C12orf42: variants seen among roughly 807,000 people sequenced by gnomAD.
The protein encoded by C12orf42 is chromosome 12 open reading frame 42.
In C12orf42, 25 loss-of-function variants were observed where a neutral mutation model predicts 21.6. The ratio of observed to expected loss-of-function variants is 1.16; its 90% confidence interval spans 0.84 to 1.62. C12orf42 has a LOEUF of 1.62. Among genes scored for constraint, C12orf42 ranks in the 40% most tolerant of loss-of-function variants. C12orf42 has a pLI of 0.00. For synonymous variants in C12orf42, 174 were observed against 175.0 expected (o/e 0.99, Z 0.05); for missense variants, 483 against 459.3 (o/e 1.05, Z -0.47).
the C12orf42 span, among the ~76,000 whole-genome samples, chr12:103,173,905 G>A: frequency 0.036 from 5,502 of 152,150 alleles, 124 homozygotes; most frequent in East Asian, 0.054. Flanking sequence ...GGGAAGTGAC[G>A]ATGGATTTAA....
At chr12:103,291,964 C>T (rs1227225818) in intron 4 of C12orf42, among the ~76,000 whole-genome samples, 1 of 152,154 alleles carries the variant, frequency 6.6e-6, no homozygotes, top group Non-Finnish European at 1.5e-5. Flanking sequence ...AAAACTGGTA[C>T]ATGAGTGTTG....
the C12orf42 span, among the ~76,000 whole-genome samples, chr12:103,093,606 A>G: frequency 6.6e-6 from 1 of 152,194 alleles, no homozygotes; most frequent in Non-Finnish European, 1.5e-5. Context: ...GGTGGGCTCC[A>G]GGACAAGGAT....
chr12:103,445,609 GT>G (rs1183095232), intron 2 of C12orf42, among the ~76,000 whole-genome samples: 1 of 151,802 alleles, frequency 6.6e-6, no homozygotes, highest in Non-Finnish European at 1.5e-5. Context: ...TCCTGTTGTG[GT>G]TTGCTTTTTT....
At chr12:103,406,023 T>C (rs929343628) in intron 2 of C12orf42, among the ~76,000 whole-genome samples, 1 of 152,180 alleles carries the variant, frequency 6.6e-6, no homozygotes, top group African/African-American at 2.4e-5. Context: ...TTGGCCAAGA[T>C]CTCATCAATA....
the C12orf42 span, among the ~76,000 whole-genome samples, chr12:103,142,821 T>C: frequency 7.9e-5 from 12 of 152,318 alleles, no homozygotes; most frequent in African/African-American, 2.9e-4. Context: ...CCTTTTTCAG[T>C]AATAACTAAC....
the C12orf42 span, among the ~76,000 whole-genome samples, chr12:103,191,984 CACAA>C: frequency 1.3e-5 from 2 of 151,820 alleles, no homozygotes; most frequent in Non-Finnish European, 2.9e-5. Flanking sequence ...TCACTAAAAC[CACAA>C]ACAAAAATTC....
At chr12:103,236,528 C>A (rs1209045062), downstream of C12orf42, among the ~76,000 whole-genome samples, 1 of 152,140 alleles carries the variant, frequency 6.6e-6, no homozygotes, top group Non-Finnish European at 1.5e-5. Context: ...AAACTGCAAA[C>A]CTGATTATTC....
intron 10 of C12orf42, among the ~76,000 whole-genome samples, chr12:103,245,414 T>C (rs2033962463): frequency 6.6e-6 from 1 of 152,084 alleles, no homozygotes; most frequent in African/African-American, 2.4e-5. Flanking sequence ...TCCACTTATG[T>C]TGAACACTAG....
At chr12:103,084,905 T>G in the C12orf42 span, among the ~76,000 whole-genome samples, 2 of 152,144 alleles carry the variant, frequency 1.3e-5, no homozygotes, top group African/African-American at 4.8e-5. Flanking sequence ...TTGGTAGTAC[T>G]TACAAGTTTT....
chr12:103,170,561 A>C, the C12orf42 span, among the ~76,000 whole-genome samples: 2 of 147,584 alleles, frequency 1.4e-5, no homozygotes, highest in Non-Finnish European at 3.0e-5. Context: ...TCTGTTCTCT[A>C]TATAGTAGTA....
chr12:103,227,324 G>A, the C12orf42 span, among the ~76,000 whole-genome samples: 22 of 151,790 alleles, frequency 1.4e-4, no homozygotes, highest in South Asian at 4.2e-4. Context: ...GTTGGGGCAC[G>A]GAAATAAGGG....
At chr12:103,098,380 C>T in the C12orf42 span, among the ~76,000 whole-genome samples, 1 of 152,130 alleles carries the variant, frequency 6.6e-6, no homozygotes, top group Non-Finnish European at 1.5e-5. Context: ...TGAAGTAATT[C>T]ATATACAGCT....
chr12:103,061,439 T>G, the C12orf42 span, among the ~76,000 whole-genome samples: 1 of 152,148 alleles, frequency 6.6e-6, no homozygotes, highest in Non-Finnish European at 1.5e-5. Context: ...AAGGACTTTT[T>G]TTTTCTCCTT....
chr12:103,504,432 C>T, the C12orf42 span: 100 of 160,740 alleles, frequency 6.2e-4, no homozygotes, highest in African/African-American at 2.3e-3. Context: ...TCGTGGACAG[C>T]GTGGAGGTGG....
At chr12:103,294,166 G>A (rs1037975990) in intron 4 of C12orf42, among the ~76,000 whole-genome samples, 18 of 151,994 alleles carry the variant, frequency 1.2e-4, no homozygotes, top group African/African-American at 4.3e-4. Flanking sequence ...AATAACTATT[G>A]GTTGAGTTGA....
chr12:103,245,596 G>T (rs1017358393), intron 10 of C12orf42, among the ~76,000 whole-genome samples: 5 of 152,144 alleles, frequency 3.3e-5, no homozygotes, highest in East Asian at 1.9e-4. Context: ...AATTGATATT[G>T]ATTATTATTT....
chr12:103,423,670 G>A (rs1365539842), intron 2 of C12orf42, among the ~76,000 whole-genome samples: 1 of 152,112 alleles, frequency 6.6e-6, no homozygotes, highest in African/African-American at 2.4e-5. Flanking sequence ...ACATTTTCAG[G>A]CCTAAAATTA....
the C12orf42 span, among the ~76,000 whole-genome samples, chr12:103,104,598 G>A: frequency 2.9e-4 from 44 of 152,270 alleles, no homozygotes; most frequent in Admixed American, 2.5e-3. Flanking sequence ...GCGCCACCAT[G>A]CCCAGCTAAT....
chr12:103,109,136 C>A, the C12orf42 span, among the ~76,000 whole-genome samples: 4 of 151,952 alleles, frequency 2.6e-5, no homozygotes, highest in Non-Finnish European at 5.9e-5. Context: ...CAAGAATGAT[C>A]AACAAAAATT....
Sources: allele counts gnomAD v4.1 joint callset (sites outside exome capture counted in the v4.1 genomes callset), GRCh38; gene constraint gnomAD v4.1.1; transcripts MANE v1.5; gene names NCBI Gene and HGNC (gene_info 2026-07-23, HGNC 2026-07-21).